SELENOF: variants seen among roughly 807,000 people sequenced by gnomAD.
SELENOF encodes the protein 15 kDa selenoprotein.
SELENOF carries 16 observed loss-of-function variants against 20.5 expected under a neutral mutation model. That is an observed-to-expected ratio of 0.78 (90% confidence interval 0.53 to 1.19). SELENOF has a LOEUF of 1.19. SELENOF is among the 50% of genes most tolerant of loss of function. SELENOF has a pLI of 0.00. For synonymous variants in SELENOF, 78 were observed against 74.5 expected (o/e 1.05, Z -0.24); for missense variants, 215 against 194.2 (o/e 1.11, Z -0.64).
chr1:86,879,056 A>G (rs1391201607), intron 3 of SELENOF, among the ~76,000 whole-genome samples: 2 of 152,192 alleles, frequency 1.3e-5, no homozygotes, highest in African/African-American at 2.4e-5. Context: ...ATTACGGTAG[A>G]TAATAAAATC....
chr1:86,899,564 G>A (rs1384325660), intron 2 of SELENOF, among the ~76,000 whole-genome samples: 33 of 149,532 alleles, frequency 2.2e-4, no homozygotes, highest in Admixed American at 1.6e-3. Flanking sequence ...CCTCCCTCCC[G>A]GACGGGGCGG....
chr1:86,875,651 C>CA (rs1343673360), intron 3 of SELENOF, among the ~76,000 whole-genome samples: 1 of 152,010 alleles, frequency 6.6e-6, no homozygotes, highest in Non-Finnish European at 1.5e-5. Flanking sequence ...GATTAAAAAA[C>CA]AAAAAACAGA....
At chr1:86,878,882 TAAC>T (rs1212184358) in intron 3 of SELENOF, among the ~76,000 whole-genome samples, 1 of 152,200 alleles carries the variant, frequency 6.6e-6, no homozygotes, top group Non-Finnish European at 1.5e-5. Flanking sequence ...GTATTATACA[TAAC>T]AATATTAAAT....
chr1:86,882,838 G>T (rs935944069), intron 2 of SELENOF, among the ~76,000 whole-genome samples: 1 of 152,148 alleles, frequency 6.6e-6, no homozygotes, highest in Admixed American at 6.5e-5. Context: ...AAAGGAAGCA[G>T]ATTCTGACTG....
intron 2 of SELENOF, among the ~76,000 whole-genome samples, chr1:86,896,036 T>G (rs967373498): frequency 7.9e-5 from 12 of 152,160 alleles, no homozygotes; most frequent in African/African-American, 2.7e-4. Flanking sequence ...GAGACCAGCC[T>G]GTCCAACATG....
At chr1:86,891,444 T>C (rs977307921) in intron 2 of SELENOF, among the ~76,000 whole-genome samples, 1 of 152,192 alleles carries the variant, frequency 6.6e-6, no homozygotes, top group Non-Finnish European at 1.5e-5. Context: ...ATGGAAAGTT[T>C]ATTTTGATTC....
At chr1:86,905,365 A>C (rs1211120143) in intron 1 of SELENOF, among the ~76,000 whole-genome samples, 1 of 152,136 alleles carries the variant, frequency 6.6e-6, no homozygotes, top group Non-Finnish European at 1.5e-5. Flanking sequence ...TTTTGCTCAC[A>C]GTCTCCCCTA....
In SELENOF at chr1:86,863,146, C is replaced by A; in HGVS notation, c.*328G>T. On this transcript the variant is annotated 3_prime_UTR_variant, in exon 5 of 5. Transcript: ENST00000331835. ...TAGTAATCATCTGTCTTGTTAACCT[C>A]TCTAATTTAGAAATCTGTTGTTCGT... 1 of 213,236 alleles carries A rather than the reference C, an allele frequency of 4.7e-6. No homozygotes were observed. Among genetic ancestry groups the A allele is most frequent in the Non-Finnish European group, 9.4e-6 (1 of 106,926 alleles). The allele number at this position is 213,236 out of a possible 1,614,324, so 13.2% of individuals were successfully genotyped here.
chr1:86,874,303 C>T (rs1160081854), intron 3 of SELENOF, among the ~76,000 whole-genome samples: 1 of 152,138 alleles, frequency 6.6e-6, no homozygotes, highest in Non-Finnish European at 1.5e-5. Context: ...AATCCAATCA[C>T]TCTAATTTCC....
At chr1:86,888,511 T>C (rs1659287015) in intron 2 of SELENOF, among the ~76,000 whole-genome samples, 1 of 152,182 alleles carries the variant, frequency 6.6e-6, no homozygotes, top group South Asian at 2.1e-4. Context: ...CTGGACAAAG[T>C]GATCTTCCTG....
chr1:86,890,395 A>G (rs567025377), intron 2 of SELENOF, among the ~76,000 whole-genome samples: 1 of 152,236 alleles, frequency 6.6e-6, no homozygotes, highest in Admixed American at 6.5e-5. Context: ...TTTTAAAAAA[A>G]TCAATGCATG....
At chr1:86,884,374 C>T (rs376437934) in intron 2 of SELENOF, among the ~76,000 whole-genome samples, 2 of 141,390 alleles carry the variant, frequency 1.4e-5, no homozygotes, top group African/African-American at 5.5e-5. Flanking sequence ...CACACACACA[C>T]ACATATACAC....
Sources: gnomAD v4.1 joint callset for allele counts (sites outside exome capture counted in the v4.1 genomes callset) on GRCh38, gnomAD v4.1.1 for gene constraint, MANE v1.5 for transcripts, NCBI Gene and HGNC (gene_info 2026-07-23, HGNC 2026-07-21) for gene names.